The following PRKCA variants were observed in gnomAD, a reference collection of about 807,000 sequenced individuals.
The protein encoded by PRKCA is protein kinase C alpha, also known as protein kinase C alpha type.
A neutral mutation model predicts 87.0 loss-of-function variants in PRKCA; 27 were observed. That is an observed-to-expected ratio of 0.31 (90% CI 0.23 to 0.43). The LOEUF is 0.43. PRKCA is among the 20% of genes least tolerant of loss of function. The probability of loss-of-function intolerance (pLI) is 1.00; values close to 1 mark genes in which losing one functional copy is unlikely to be tolerated. For synonymous variants in PRKCA, 329 were observed against 311.1 expected (o/e 1.06, Z -0.61); for missense variants, 518 against 852.3 (o/e 0.61, Z 4.88).
chr17:66,548,133 G>GT (rs1258083270), intron 3 of PRKCA, among the ~76,000 whole-genome samples: 3 of 152,164 alleles, frequency 2.0e-5, no homozygotes, highest in African/African-American at 7.2e-5. Context: ...GCTGATTCTT[G>GT]TTCGGGGGGA....
At chr17:66,752,335 G>T (rs562623670) in intron 13 of PRKCA, among the ~76,000 whole-genome samples, 23 of 152,252 alleles carry the variant, frequency 1.5e-4, no homozygotes, top group Admixed American at 1.1e-3. Flanking sequence ...TGGCTCACAC[G>T]CGTAATCCCA....
chr17:66,684,491 G>A (rs1284580076), intron 5 of PRKCA, among the ~76,000 whole-genome samples: 1 of 152,164 alleles, frequency 6.6e-6, no homozygotes, highest in Non-Finnish European at 1.5e-5. Context: ...ACTCACACAG[G>A]CTGTTCTCTG....
At chr17:66,649,097 C>CAAA (rs919549017) in intron 5 of PRKCA, among the ~76,000 whole-genome samples, 1 of 89,728 alleles carries the variant, frequency 1.1e-5, no homozygotes. Context: ...GAGTCCATCT[C>CAAA]AAAAAAAAAA....
intron 2 of PRKCA, among the ~76,000 whole-genome samples, chr17:66,422,636 A>G (rs1429301485): frequency 1.3e-5 from 2 of 152,136 alleles, no homozygotes; most frequent in South Asian, 2.1e-4. Flanking sequence ...AACAGGACCA[A>G]CTTCTTTTAG....
chr17:66,527,669 C>G (rs1967392537), intron 3 of PRKCA, among the ~76,000 whole-genome samples: 1 of 152,206 alleles, frequency 6.6e-6, no homozygotes, highest in Non-Finnish European at 1.5e-5. Context: ...CATGGGTCAG[C>G]ATATATCTGT....
chr17:66,799,859 A>C (rs2144430756), intron 16 of PRKCA, among the ~76,000 whole-genome samples: 1 of 152,084 alleles, frequency 6.6e-6, no homozygotes, highest in Middle Eastern at 3.4e-3. Flanking sequence ...GTGGAAAAGG[A>C]GACGATGTTT....
chr17:66,356,023 C>T (rs1384306374), intron 2 of PRKCA, among the ~76,000 whole-genome samples: 8 of 151,940 alleles, frequency 5.3e-5, no homozygotes, highest in African/African-American at 1.2e-4. Flanking sequence ...CTCAGCCTCC[C>T]GAGTAGCTGG....
At chr17:66,349,444 A>T (rs1473404078) in intron 2 of PRKCA, among the ~76,000 whole-genome samples, 4 of 151,804 alleles carry the variant, frequency 2.6e-5, no homozygotes, top group Non-Finnish European at 4.4e-5. Context: ...TGCTGTGTAG[A>T]CCTGGCTTGG....
Position 66,616,561 on chromosome 17 carries a change from C to T in PRKCA, c.289-24794C>T, listed in dbSNP as rs567243679. Among the ~76,000 whole-genome samples, 153 of 152,324 alleles carry T rather than the reference C, an allele frequency of 1.0e-3. 1 individual carries two copies. Among genetic ancestry groups the T allele is most frequent in the Non-Finnish European group, 1.4e-3 (96 of 68,038 alleles). ...ACACAGAGTGAGTAAGGCACGAGGG[C>T]AAGTTCCATCCATCTCTAAGAGCCA... On this transcript the variant is annotated intron_variant, in intron 3 of 16. Transcript: ENST00000413366.
chr17:66,616,321 C>T (rs1411379944), intron 3 of PRKCA, among the ~76,000 whole-genome samples: 1 of 152,210 alleles, frequency 6.6e-6, no homozygotes, highest in Admixed American at 6.5e-5. Flanking sequence ...ATTGTCCATT[C>T]AACCCTAAGA....
chr17:66,435,741 G>A (rs115661161), intron 2 of PRKCA, among the ~76,000 whole-genome samples: 1,758 of 152,310 alleles, frequency 0.012, 43 homozygotes, highest in African/African-American at 0.04. Flanking sequence ...GAGCAAGCAT[G>A]GAGGACTTTT....
At position 66,622,761 on chromosome 17, in the gene PRKCA, C is replaced by T. The variant is rs549875565; in HGVS notation, c.289-18594C>T. On this transcript the variant is annotated intron_variant, in intron 3 of 16. Transcript: ENST00000413366. Reference sequence around the variant, plus strand: ...GGAAGGTGAAAGGCACTTCTTAACACGGTGGTGGCACGAGAGATGAGAAAG... The same window carrying T: ...GGAAGGTGAAAGGCACTTCTTAACATGGTGGTGGCACGAGAGATGAGAAAG... Among the ~76,000 whole-genome samples the T allele has an allele frequency of 1.5e-4, 23 of 152,296 alleles. No homozygotes were observed. In the South Asian group the frequency reaches 1.9e-3, roughly 12 times the overall value.
At chr17:66,787,591 T>A (rs1975432798) in intron 15 of PRKCA, among the ~76,000 whole-genome samples, 1 of 152,204 alleles carries the variant, frequency 6.6e-6, no homozygotes, top group South Asian at 2.1e-4. Context: ...TTGGCACAAA[T>A]CATCAATATG....
chr17:66,473,069 C>T (rs1471665665), intron 2 of PRKCA, among the ~76,000 whole-genome samples: 1 of 152,138 alleles, frequency 6.6e-6, no homozygotes, highest in East Asian at 1.9e-4. Flanking sequence ...CTGCAGCCAC[C>T]TCTCCTCCTC....
At chr17:66,393,258 T>G (rs997855635) in intron 2 of PRKCA, among the ~76,000 whole-genome samples, 2 of 152,096 alleles carry the variant, frequency 1.3e-5, no homozygotes, top group Non-Finnish European at 2.9e-5. Flanking sequence ...ACAGGTGACT[T>G]TACATTGGAG....
At chr17:66,721,450 C>G (rs1002138480) in intron 8 of PRKCA, among the ~76,000 whole-genome samples, 7 of 150,582 alleles carry the variant, frequency 4.6e-5, no homozygotes, top group Non-Finnish European at 7.4e-5. Flanking sequence ...CCCCCAAGAG[C>G]TGCTGGTTGG....
At chr17:66,691,060 G>A (rs1884510964) in intron 8 of PRKCA, among the ~76,000 whole-genome samples, 1 of 149,388 alleles carries the variant, frequency 6.7e-6, no homozygotes. Context: ...AGAATCACTT[G>A]AACCTGGGAG....
At chr17:66,710,501 T>C (rs1273571847) in intron 8 of PRKCA, among the ~76,000 whole-genome samples, 1 of 152,080 alleles carries the variant, frequency 6.6e-6, no homozygotes, top group Non-Finnish European at 1.5e-5. Context: ...TCATCCACTT[T>C]CCTTCCACAA....
At chr17:66,578,589 C>T (rs1969316051) in intron 3 of PRKCA, among the ~76,000 whole-genome samples, 1 of 152,200 alleles carries the variant, frequency 6.6e-6, no homozygotes, top group African/African-American at 2.4e-5. Context: ...AAACCACCCC[C>T]TCCTCTGAGT....
Sources: gnomAD v4.1 joint callset for allele counts (sites outside exome capture counted in the v4.1 genomes callset) on GRCh38, gnomAD v4.1.1 for gene constraint, MANE v1.5 for transcripts, NCBI Gene and HGNC (gene_info 2026-07-23, HGNC 2026-07-21) for gene names.